Variants in FGF14 observed in about 807,000 individuals in gnomAD.
The protein encoded by FGF14 is fibroblast growth factor homologous factor 4.
FGF14 carries 5 observed loss-of-function variants against 25.5 expected under a neutral mutation model. The observed-to-expected ratio is 0.20, with a 90% CI of 0.10 to 0.41. The LOEUF is 0.41. FGF14 is among the 10% of genes least tolerant of loss of function. FGF14 has a pLI of 1.00. For synonymous variants in FGF14, 138 were observed against 118.3 expected, an observed-to-expected ratio of 1.17 and a Z score of -1.08; for missense variants, 222 against 320.1, an observed-to-expected ratio of 0.69 and a Z score of 2.34.
intron 1 of FGF14, among the ~76,000 whole-genome samples, chr13:102,049,983 C>T (rs902318530): frequency 6.6e-6 from 1 of 151,788 alleles, no homozygotes; most frequent in Non-Finnish European, 1.5e-5. Flanking sequence ...ATTGCTTAAT[C>T]CAACCAGTTT....
At chr13:101,910,836 TCGTGTGTG>T (rs1172257745) in intron 1 of FGF14, among the ~76,000 whole-genome samples, 7 of 106,652 alleles carry the variant, frequency 6.6e-5, no homozygotes, top group African/African-American at 1.0e-4. Context: ...AGATTTGGAT[TCGTGTGTG>T]TGTGTGTGTG....
chr13:101,958,026 ATAAAT>A (rs1179054958), intron 1 of FGF14, among the ~76,000 whole-genome samples: 1 of 152,258 alleles, frequency 6.6e-6, no homozygotes, highest in African/African-American at 2.4e-5. Flanking sequence ...AAAATGTACT[ATAAAT>A]TACAGTAAAT....
chr13:102,250,097 C>A (rs140017727), intron 1 of FGF14, among the ~76,000 whole-genome samples: 6 of 152,194 alleles, frequency 3.9e-5, no homozygotes, highest in Non-Finnish European at 8.8e-5. Context: ...GGAGAGGACA[C>A]CCCTCAAAGC....
intron 3 of FGF14, among the ~76,000 whole-genome samples, chr13:101,814,752 T>C (rs975147885): frequency 1.3e-5 from 2 of 152,226 alleles, no homozygotes; most frequent in Admixed American, 6.5e-5. Context: ...TGAGTAAGCA[T>C]TTTATTCTAC....
chr13:101,879,880 G>T (rs545939737), intron 1 of FGF14, among the ~76,000 whole-genome samples: 2 of 152,164 alleles, frequency 1.3e-5, no homozygotes, highest in Admixed American at 6.5e-5. Context: ...TGAATAATTT[G>T]CTTAAAGATA....
At chr13:101,756,182 A>C (rs1018406785) in intron 3 of FGF14, among the ~76,000 whole-genome samples, 2 of 152,198 alleles carry the variant, frequency 1.3e-5, no homozygotes, top group African/African-American at 4.8e-5. Flanking sequence ...CTTTTTCCAA[A>C]GTTAATATCT....
chr13:102,235,240 A>G (rs1397468293), intron 1 of FGF14, among the ~76,000 whole-genome samples: 1 of 152,254 alleles, frequency 6.6e-6, no homozygotes, highest in Non-Finnish European at 1.5e-5. Flanking sequence ...GCCAAACAAT[A>G]TGATCCATTA....
chr13:101,863,340 T>G (rs1369831630), intron 3 of FGF14, among the ~76,000 whole-genome samples: 1 of 152,118 alleles, frequency 6.6e-6, no homozygotes, highest in Non-Finnish European at 1.5e-5. Flanking sequence ...TGAGCAACCC[T>G]CAAATGCTGC....
intron 1 of FGF14, among the ~76,000 whole-genome samples, chr13:102,169,777 G>A (rs141675079): frequency 1.4e-4 from 21 of 152,024 alleles, no homozygotes; most frequent in Non-Finnish European, 2.2e-4. Flanking sequence ...CAGTCTCCAC[G>A]TGGAAGTTGC....
intron 1 of FGF14, among the ~76,000 whole-genome samples, chr13:102,281,489 G>A (rs752886951): frequency 2.0e-5 from 3 of 151,960 alleles, no homozygotes; most frequent in Admixed American, 6.6e-5. Flanking sequence ...AGCCCCTACC[G>A]CTGTCAGTGC....
At chr13:102,146,471 T>A (rs1410577144) in intron 1 of FGF14, among the ~76,000 whole-genome samples, 1 of 152,236 alleles carries the variant, frequency 6.6e-6, no homozygotes, top group East Asian at 1.9e-4. Flanking sequence ...GTCATTACTT[T>A]CCTAATTCGT....
At chr13:102,053,555 T>C (rs1271142692) in intron 1 of FGF14, among the ~76,000 whole-genome samples, 3 of 151,908 alleles carry the variant, frequency 2.0e-5, no homozygotes, top group Non-Finnish European at 4.4e-5. Flanking sequence ...CTTATGAAAA[T>C]GTATGGGGTA....
Position 101,722,816 on chromosome 13 carries a change from C to T in FGF14, c.*15G>A. 1 of 1,613,072 alleles carries T rather than the reference C, an allele frequency of 6.2e-7. No homozygotes were observed. Among genetic ancestry groups the T allele is most frequent in the Non-Finnish European group, 8.5e-7 (1 of 1,179,364 alleles). On this transcript the variant is annotated 3_prime_UTR_variant, in exon 5 of 5. Coordinates refer to ENST00000376143, the MANE Select transcript of FGF14 (RefSeq NM_004115.4). The stretch of plus-strand genomic sequence containing the variant: ...TGCTCAGGACGAATAAGTCACAACA[C>T]CTGTGAGGATCTGGCTATGTTGTCT...
Position 102,212,329 on chromosome 13 carries a change from A to G in FGF14, c.208+189142T>C, listed in dbSNP as rs182446093. ...AGAGTATCAACCTTGAGCATCACACAAATTCATCGAACACAGTAAAGTCTA... is the reference window on the plus strand; with the variant it reads ...AGAGTATCAACCTTGAGCATCACACGAATTCATCGAACACAGTAAAGTCTA... On this transcript the variant is annotated intron_variant, in intron 1 of 4. Transcript: ENST00000376131. 2.4e-3 allele frequency among the ~76,000 whole-genome samples: 361 copies of G among 152,300 alleles called. 1 individual carries two copies. Among genetic ancestry groups the G allele is most frequent in the African/African-American group, 7.9e-3 (330 of 41,556 alleles).
At chr13:101,981,921 C>G (rs940678618) in intron 1 of FGF14, among the ~76,000 whole-genome samples, 4 of 152,100 alleles carry the variant, frequency 2.6e-5, no homozygotes, top group Non-Finnish European at 5.9e-5. Flanking sequence ...AGGAGCTCAC[C>G]TGAGTTCCAT....
At chr13:101,812,191 ATTAT>A (rs1277835472) in intron 3 of FGF14, among the ~76,000 whole-genome samples, 1 of 152,184 alleles carries the variant, frequency 6.6e-6, no homozygotes, top group African/African-American at 2.4e-5. Context: ...AGCATTCTAA[ATTAT>A]TTAAAGATAT....
rs961629175 is a variant in FGF14, at chr13:101,916,896, T to C, written c.-251A>G. 6.6e-6 allele frequency among the ~76,000 whole-genome samples: 1 copy of C among 151,986 alleles called. No individual in the cohort carries two copies. The highest frequency in any genetic ancestry group is 1.5e-5 in the Non-Finnish European group (1 of 67,930). ...GACGATCCCGGGAAGCCGGACGTCG[T>C]GGCCGCCGCCGCTTGGCCACGTCCG... On this transcript the variant is annotated 5_prime_UTR_variant, in exon 1 of 5. Transcript: ENST00000376143.
At chr13:102,188,995 A>G (rs1289152278) in intron 1 of FGF14, among the ~76,000 whole-genome samples, 1 of 90,086 alleles carries the variant, frequency 1.1e-5, no homozygotes. Flanking sequence ...AAAGAAAGAA[A>G]GAAAGAAAGA....
At chr13:102,360,171 C>T (rs1594944178) in intron 1 of FGF14, among the ~76,000 whole-genome samples, 1 of 152,282 alleles carries the variant, frequency 6.6e-6, no homozygotes, top group Non-Finnish European at 1.5e-5. Flanking sequence ...TTGGCATACA[C>T]ACAAAAAGGA....
Sources: gnomAD v4.1 joint callset for allele counts (sites outside exome capture counted in the v4.1 genomes callset) on GRCh38, gnomAD v4.1.1 for gene constraint, MANE v1.5 for transcripts, NCBI Gene and HGNC (gene_info 2026-07-23, HGNC 2026-07-21) for gene names.